DAG1: variants seen among roughly 807,000 people sequenced by gnomAD.
DAG1 encodes dystroglycan 1 (dystrophin-associated glycoprotein 1).
Under a neutral mutation model 46.1 loss-of-function variants are expected in DAG1, and 8 were observed. The ratio of observed to expected loss-of-function variants is 0.17; its 90% CI spans 0.10 to 0.31. The LOEUF is 0.31. Ranked by LOEUF, DAG1 falls within the 10% of genes least tolerant of loss-of-function variation. DAG1 has a pLI of 1.00. For synonymous variants in DAG1, 495 were observed against 481.8 expected, an observed-to-expected ratio of 1.03 and a Z score of -0.36; for missense variants, 1,003 against 1,189.9, an observed-to-expected ratio of 0.84 and a Z score of 2.31.
At position 49,510,431 on chromosome 3, in the gene DAG1, C is replaced by T. The variant is rs2050730947; in HGVS notation, c.-104C>T. Reference sequence around the variant, plus strand: ...CTTTTTTTTTCAGGCTCTGTGTGCTCCGGGATGGAGCAGGTGTGCAGAGGG... The same window carrying T: ...CTTTTTTTTTCAGGCTCTGTGTGCTTCGGGATGGAGCAGGTGTGCAGAGGG... On this transcript the variant is annotated 5_prime_UTR_variant, in exon 2 of 3. Coordinates refer to ENST00000308775, the MANE Select transcript of DAG1 (RefSeq NM_004393.6). 1 of 1,132,660 alleles carries T rather than the reference C, an allele frequency of 8.8e-7. No homozygotes were observed. Among genetic ancestry groups the T allele is most frequent in the East Asian group, 2.3e-5 (1 of 42,780 alleles). 70.2% of individuals were successfully genotyped at this position (1,132,660 alleles called of 1,614,324 possible). A position where few individuals can be genotyped will look rare whatever the true frequency, so the allele number is the denominator to read the frequency against.
Position 49,526,678 on chromosome 3 carries a change from C to G in DAG1, c.286-4119C>G, listed in dbSNP as rs553845030. 3.3e-5 allele frequency among the ~76,000 whole-genome samples: 5 copies of G among 152,298 alleles called. No individual in the cohort carries two copies. The South Asian group carries it at 8.3e-4, about 25-fold the overall frequency. On this transcript the variant is annotated intron_variant, in intron 2 of 2. Transcript: ENST00000308775. ...GTTACAGTGAACTGAGATCGTGCCA[C>G]TGCACTCCAGCCCAGGTGACAGAGT...
At position 49,531,120 on chromosome 3, in the gene DAG1, C is replaced by A. The variant is rs201118488; in HGVS notation, c.609C>A (p.Thr203=). ...VILDADLTKM[T]PKQRIDLLHR... ...TGGATGCCGACCTCACCAAGATGAC[C>A]CCAAAGCAAAGGATTGACCTCCTGC... Residue 203 remains threonine (T), a synonymous_variant, in exon 3 of 3, where the codon ACC becomes ACA. Transcript: ENST00000308775. This position sits in a 1 kb window ranked among gnomAD's most constrained non-coding sequence, Gnocchi z 7.0. The A allele has an allele frequency of 1.2e-6, 2 of 1,614,162 alleles. No individual in the cohort carries two copies. Among genetic ancestry groups the A allele is most frequent in the South Asian group, 1.1e-5 (1 of 91,082 alleles).
chr3:49,510,474 G>C lies in DAG1; in HGVS notation c.-61G>C. The C allele has an allele frequency of 5.8e-6, 9 of 1,564,888 alleles. No homozygotes were observed. In the South Asian group the frequency reaches 8.9e-5, roughly 15 times the overall value. On this transcript the variant is annotated 5_prime_UTR_variant, in exon 2 of 3. Coordinates refer to ENST00000308775, the MANE Select transcript of DAG1 (RefSeq NM_004393.6). Reference sequence around the variant, plus strand: ...GCAGAGGGTGAGAACCCAGCTCTGGGACCAAGTCACTTGCTTCCTTACTTA... The same window carrying C: ...GCAGAGGGTGAGAACCCAGCTCTGGCACCAAGTCACTTGCTTCCTTACTTA...
At chr3:49,490,080 G>GTGGT (rs2050141181) in intron 1 of DAG1, among the ~76,000 whole-genome samples, 1 of 152,090 alleles carries the variant, frequency 6.6e-6, no homozygotes, top group African/African-American at 2.4e-5. Flanking sequence ...TTGGCTGGGC[G>GTGGT]CGGTGGCTTA....
At chr3:49,497,433 T>C (rs2050343243) in intron 1 of DAG1, among the ~76,000 whole-genome samples, 1 of 74,628 alleles carries the variant, frequency 1.3e-5, no homozygotes, top group Non-Finnish European at 2.6e-5. Context: ...CAAGACTCCG[T>C]CTCAAAAAAA....
chr3:49,511,085 A>T, intron 2 of DAG1: 1 of 663,140 alleles, frequency 1.5e-6, no homozygotes, highest in Non-Finnish European at 1.9e-6. Flanking sequence ...TGATTTAGGG[A>T]TTTGTTGGAA....
Position 49,510,778 on chromosome 3 carries a change from A to C in DAG1, c.244A>C (p.Ile82Leu). The C allele has an allele frequency of 6.2e-7, 1 of 1,614,212 alleles. No individual in the cohort carries two copies. Among genetic ancestry groups the C allele is most frequent in the South Asian group, 1.1e-5 (1 of 91,072 alleles). ...AVVGRSFRVTIPTDLIASSGD... is the reference protein window; with the variant it reads ...AVVGRSFRVTLPTDLIASSGD... ...CGTCGGGCGCTCATTTCGAGTGACC[A>C]TTCCAACAGATTTGATTGCCTCCAG... The change falls in exon 2 of 3, where the codon ATT becomes CTT. Residue 82 changes from isoleucine to leucine, a missense_variant. By Grantham distance (5) the Ile-to-Leu change is conservative (BLOSUM62 2). Transcript: ENST00000308775.
chr3:49,528,914 G>A (rs2051266932), intron 2 of DAG1, among the ~76,000 whole-genome samples: 1 of 150,624 alleles, frequency 6.6e-6, no homozygotes, highest in Non-Finnish European at 1.5e-5. Context: ...GCAGTGGCGT[G>A]ATCTCAGTTC....
chr3:49,529,698 C>A (rs902437605), intron 2 of DAG1, among the ~76,000 whole-genome samples: 1 of 152,204 alleles, frequency 6.6e-6, no homozygotes, highest in Non-Finnish European at 1.5e-5. Context: ...GATGAGAGTG[C>A]CTTCAGGCCA....
chr3:49,486,745 T>C (rs1215793433), intron 1 of DAG1, among the ~76,000 whole-genome samples: 3 of 151,778 alleles, frequency 2.0e-5, no homozygotes, highest in Non-Finnish European at 4.4e-5. Flanking sequence ...TCGGGTGATC[T>C]GCCCACCTCA....
chr3:49,473,476 G>A (rs1311220151), intron 1 of DAG1, among the ~76,000 whole-genome samples: 1 of 152,002 alleles, frequency 6.6e-6, no homozygotes, highest in African/African-American at 2.4e-5. Context: ...ACTTGAACCT[G>A]GGGTACTGCA....
chr3:49,532,614 G>C lies in DAG1; in HGVS notation c.2103G>C (p.Lys701Asn). 6.2e-7 allele frequency: 1 copy of C among 1,613,240 alleles called. No homozygotes were observed. The highest frequency in any genetic ancestry group is 8.5e-7 in the Non-Finnish European group (1 of 1,179,244). The change falls in exon 3 of 3, where the codon AAG becomes AAC. Residue 701 changes from lysine to asparagine, a missense_variant. Coordinates refer to ENST00000308775, the MANE Select transcript of DAG1 (RefSeq NM_004393.6). This position sits in a 1 kb window ranked among gnomAD's most constrained non-coding sequence, Gnocchi z 5.4. ...CCAACGCCCTAGAGCCTGACTTTAA[G>C]GCCACAAGCATCACTGTGACGGGCT... Reference protein sequence around the residue: ...AFSNALEPDFKATSITVTGSG... With the variant: ...AFSNALEPDFNATSITVTGSG...
At position 49,533,395 on chromosome 3, in the gene DAG1, G is replaced by T. The variant is rs980437878; in HGVS notation, c.*196G>T. 1 of 834,812 alleles carries T rather than the reference G, an allele frequency of 1.2e-6. No individual in the cohort carries two copies. The highest frequency in any genetic ancestry group is 1.7e-5 in the African/African-American group (1 of 59,724). The allele number at this position is 834,812 out of a possible 1,614,324, so 51.7% of individuals were successfully genotyped here. ...CCCAAAGCAGCTGGAGAGACTTTGGGGACTTTTTTATTTTTATTTTTTGCC... is the reference window on the plus strand; with the variant it reads ...CCCAAAGCAGCTGGAGAGACTTTGGTGACTTTTTTATTTTTATTTTTTGCC... On this transcript the variant is annotated 3_prime_UTR_variant, in exon 3 of 3. Coordinates refer to ENST00000308775, the MANE Select transcript of DAG1 (RefSeq NM_004393.6).
At chr3:49,489,668 G>T (rs920268414) in intron 1 of DAG1, among the ~76,000 whole-genome samples, 1 of 152,136 alleles carries the variant, frequency 6.6e-6, no homozygotes, top group African/African-American at 2.4e-5. Flanking sequence ...TTGGGCCCTA[G>T]TGTGACATTT....
At chr3:49,488,830 C>T (rs1321196172) in intron 1 of DAG1, 1 of 152,074 alleles carries the variant, frequency 6.6e-6, no homozygotes, top group Non-Finnish European at 1.5e-5. Flanking sequence ...CCTTGAACTC[C>T]TGACCTTATG....
Position 49,533,258 on chromosome 3 carries a change from G to C in DAG1, c.*59G>C. The C allele has an allele frequency of 6.3e-7, 1 of 1,597,886 alleles. No individual in the cohort carries two copies. The highest frequency in any genetic ancestry group is 1.7e-5 in the Admixed American group (1 of 59,608). ...AGGGGCCTGGAGACGACATGGTGTT[G>C]TCTGTGGAGACCGGTGGCCTGCAGA... On this transcript the variant is annotated 3_prime_UTR_variant, in exon 3 of 3. Coordinates refer to ENST00000308775, the MANE Select transcript of DAG1 (RefSeq NM_004393.6).
intron 1 of DAG1, among the ~76,000 whole-genome samples, chr3:49,486,431 G>C (rs1274206587): frequency 6.6e-6 from 1 of 151,668 alleles, no homozygotes; most frequent in Non-Finnish European, 1.5e-5. Flanking sequence ...TGTTAGCCAG[G>C]ATGGTCTCGA....
chr3:49,522,119 TC>T (rs1251839019), intron 2 of DAG1, among the ~76,000 whole-genome samples: 1 of 151,342 alleles, frequency 6.6e-6, no homozygotes, highest in Non-Finnish European at 1.5e-5. Flanking sequence ...AACTTCCGCC[TC>T]CCGGGTTCAA....
rs751451147 is a variant in DAG1 at position 49,530,784 on chromosome 3, G to A, written c.286-13G>A. On this transcript the variant is annotated splice_polypyrimidine_tract_variant and intron_variant, in intron 2 of 2. Transcript: ENST00000308775. ...ACAATAGTATTTTTAATTTATGCTT[G>A]TGTCTCTTCTAGGTATCAGCGGCAG... The A allele has an allele frequency of 6.2e-7, 1 of 1,614,190 alleles. No homozygotes were observed. The highest frequency in any genetic ancestry group is 1.1e-5 in the South Asian group (1 of 91,078).
Sources: allele counts gnomAD v4.1 joint callset (sites outside exome capture counted in the v4.1 genomes callset), GRCh38; gene constraint gnomAD v4.1.1; non-coding constraint Gnocchi (gnomAD v3.1); transcripts MANE v1.5; gene names NCBI Gene and HGNC (gene_info 2026-07-23, HGNC 2026-07-21).